Variants in CNPY1 observed in about 807,000 individuals in gnomAD.
CNPY1 encodes the protein canopy FGF signaling regulator 1.
A neutral mutation model predicts 14.4 loss-of-function variants in CNPY1; 14 were observed. The ratio of observed to expected loss-of-function variants is 0.97; its 90% CI spans 0.64 to 1.52. The LOEUF is 1.52. Among genes scored for constraint, CNPY1 ranks in the 40% most tolerant of loss-of-function variants. The probability of loss-of-function intolerance (pLI) is 0.00; values close to 1 mark genes in which losing one functional copy is unlikely to be tolerated. For missense variants in CNPY1, 129 were observed against 131.5 expected, an observed-to-expected ratio of 0.98 and a Z score of 0.09; for synonymous variants, 43 against 46.5, an observed-to-expected ratio of 0.92 and a Z score of 0.31.
chr7:155,541,899 G>A (rs998626575), intron 2 of CNPY1, among the ~76,000 whole-genome samples: 28 of 152,188 alleles, frequency 1.8e-4, no homozygotes, highest in African/African-American at 6.0e-4. Flanking sequence ...GCTTGAAGGG[G>A]CCTTTTAGTA....
At chr7:155,516,768 C>G (rs1018517900) in intron 2 of CNPY1, among the ~76,000 whole-genome samples, 2 of 152,108 alleles carry the variant, frequency 1.3e-5, no homozygotes, top group Non-Finnish European at 2.9e-5. Context: ...TGTCCTGGGC[C>G]CAGGGTGACA....
chr7:155,509,268 G>C (rs954168237), intron 2 of CNPY1, among the ~76,000 whole-genome samples, 171 bp from the exon 3 acceptor site: 1 of 152,150 alleles, frequency 6.6e-6, no homozygotes, highest in Non-Finnish European at 1.5e-5. Context: ...ATGTAACAAC[G>C]ACCTGCTTTA....
rs189378225 is a variant in CNPY1, at chr7:155,543,972, C to T, written c.99+1859G>A. ...ATCGGAAAAGCTATTTCAACTTGAT[C>T]GCCTTGAAGTGGAACATCCTCCAAG... On this transcript the variant is annotated intron_variant, in intron 2 of 4. Transcript: ENST00000636446. 3.7e-4 allele frequency among the ~76,000 whole-genome samples: 57 copies of T among 152,314 alleles called. 3 individuals are homozygous for T. The highest frequency in any genetic ancestry group is 1.9e-4 in the Non-Finnish European group (13 of 68,024).
At chr7:155,506,828 A>G (rs748385851) in intron 4 of CNPY1, 192 bp downstream of exon 4, 12 of 586,510 alleles carry the variant, frequency 2.0e-5, no homozygotes, top group Non-Finnish European at 2.4e-5. Flanking sequence ...AAGGCCACAC[A>G]GCCCTGTGGT....
chr7:155,506,484 G>A (rs1370953099), intron 4 of CNPY1: 1 of 154,196 alleles, frequency 6.5e-6, no homozygotes, highest in Non-Finnish European at 1.4e-5. Context: ...CACCCTCTGA[G>A]CCAGAAAAAA....
chr7:155,527,608 A>AT (rs750783721), intron 2 of CNPY1, among the ~76,000 whole-genome samples: 6,053 of 135,652 alleles, frequency 0.045, 375 homozygotes, highest in African/African-American at 0.14. Context: ...CACCCTGCTA[A>AT]TTTTTTTTTT....
intron 4 of CNPY1, among the ~76,000 whole-genome samples, chr7:155,505,209 T>G (rs1007485953): frequency 6.6e-6 from 1 of 152,206 alleles, no homozygotes; most frequent in Non-Finnish European, 1.5e-5. Flanking sequence ...GAAGAAACAT[T>G]ACCTGAAAGG....
rs1200944745 is a variant in CNPY1 at position 155,508,994 on chromosome 7, C to G, written c.203G>C (p.Arg68Thr). Reference protein sequence around the residue: ...KLEEDPVTKERTFKRFAPRKG... With the variant: ...KLEEDPVTKETTFKRFAPRKG... ...CCTAGGAGCGAATCTCTTGAAAGTT[C>G]TCTCCTTCGTCACAGGGTCTTCCTC... is the stretch of plus-strand genomic sequence containing the variant. The change falls in exon 3 of 5, where the codon AGA becomes ACA. Residue 68 changes from arginine (R) to threonine (T), a missense_variant. By Grantham distance (71) the Arg-to-Thr change is moderately conservative (BLOSUM62 -1). Coordinates refer to ENST00000636446, the MANE Select transcript of CNPY1 (RefSeq NM_001393663.1). 1 of 1,613,778 alleles carries G rather than the reference C, an allele frequency of 6.2e-7. No homozygotes were observed.
At chr7:155,526,683 T>G (rs1585322547) in intron 2 of CNPY1, among the ~76,000 whole-genome samples, 1 of 152,180 alleles carries the variant, frequency 6.6e-6, no homozygotes, top group Admixed American at 6.5e-5. Flanking sequence ...ATACCATCTT[T>G]CACTGGTTAG....
chr7:155,526,457 G>A (rs772891273), intron 2 of CNPY1, among the ~76,000 whole-genome samples: 13 of 152,272 alleles, frequency 8.5e-5, no homozygotes, highest in African/African-American at 3.1e-4. Flanking sequence ...AGGAGCCACC[G>A]CACACAGATC....
At chr7:155,517,045 C>G (rs2116706578) in intron 2 of CNPY1, among the ~76,000 whole-genome samples, 1 of 152,286 alleles carries the variant, frequency 6.6e-6, no homozygotes, top group African/African-American at 2.4e-5. Context: ...TGTGCCGTGC[C>G]CTCCACAAAT....
At chr7:155,509,917 C>G (rs958583501) in intron 2 of CNPY1, among the ~76,000 whole-genome samples, 12 of 152,214 alleles carry the variant, frequency 7.9e-5, no homozygotes, top group African/African-American at 1.4e-4. Flanking sequence ...TCGGGGCCGT[C>G]TAGACAGGTC....
intron 2 of CNPY1, among the ~76,000 whole-genome samples, chr7:155,520,572 G>A (rs535647849): frequency 3.1e-4 from 47 of 151,468 alleles, no homozygotes; most frequent in African/African-American, 1.1e-3. Context: ...CGAGTAGCTG[G>A]GATTACAGCA....
At chr7:155,532,883 G>T (rs1796964877) in intron 2 of CNPY1, among the ~76,000 whole-genome samples, 2 of 151,980 alleles carry the variant, frequency 1.3e-5, no homozygotes, top group Non-Finnish European at 2.9e-5. Context: ...TGCGTGTTGG[G>T]AGTCCCTGGG....
intron 2 of CNPY1, among the ~76,000 whole-genome samples, chr7:155,540,660 C>A (rs1334562641): frequency 1.3e-5 from 2 of 152,276 alleles, no homozygotes; most frequent in African/African-American, 4.8e-5. Context: ...AGCTCTGCTT[C>A]ATCATTTACA....
At chr7:155,544,106 G>C (rs909326367) in intron 2 of CNPY1, among the ~76,000 whole-genome samples, 1 of 152,190 alleles carries the variant, frequency 6.6e-6, no homozygotes, top group East Asian at 1.9e-4. Flanking sequence ...TGGACTCCTG[G>C]GTCGCATCAC....
intron 2 of CNPY1, among the ~76,000 whole-genome samples, chr7:155,509,944 C>A (rs1796481927): frequency 6.6e-6 from 1 of 152,184 alleles, no homozygotes; most frequent in South Asian, 2.1e-4. Context: ...CAGGATGCGG[C>A]GTCCCCGCGG....
At chr7:155,524,837 A>G (rs1187852736) in intron 2 of CNPY1, among the ~76,000 whole-genome samples, 1 of 109,776 alleles carries the variant, frequency 9.1e-6, no homozygotes, top group Non-Finnish European at 1.7e-5. Context: ...CCCTGGTGCC[A>G]TAAATGTTGG....
At chr7:155,527,894 G>A (rs1796858880) in intron 2 of CNPY1, among the ~76,000 whole-genome samples, 1 of 152,240 alleles carries the variant, frequency 6.6e-6, no homozygotes, top group Non-Finnish European at 1.5e-5. Context: ...GGGATCTCCA[G>A]GAGCCTCTCC....
Sources: gnomAD v4.1 joint callset for allele counts (sites outside exome capture counted in the v4.1 genomes callset) on GRCh38, gnomAD v4.1.1 for gene constraint, MANE v1.5 for transcripts, NCBI Gene and HGNC (gene_info 2026-07-23, HGNC 2026-07-21) for gene names.